Variants in CTDSPL observed in about 807,000 individuals in gnomAD.
The protein encoded by CTDSPL is CTD small phosphatase-like protein.
CTDSPL carries 8 observed loss-of-function variants against 30.5 expected under a neutral mutation model. That is an observed-to-expected ratio of 0.26 (90% confidence interval 0.15 to 0.47). The LOEUF (loss-of-function observed/expected upper bound fraction) is 0.47. Among genes scored for constraint, CTDSPL ranks in the 20% least tolerant of loss-of-function variants. The probability of loss-of-function intolerance (pLI) is 0.99; values close to 1 mark genes in which losing one functional copy is unlikely to be tolerated. For missense variants in CTDSPL, 248 were observed against 366.1 expected (o/e 0.68, Z 2.63); for synonymous variants, 110 against 137.9 (o/e 0.80, Z 1.42).
At position 37,891,293 on chromosome 3, in the gene CTDSPL, T is replaced by C. The variant is rs557785685; in HGVS notation, c.79+29015T>C. ...CAGATTAATCCATGTCTGGGCTCACTGTGTGTCTGGTTATAATTGGACCAC... is the reference window on the plus strand; with the variant it reads ...CAGATTAATCCATGTCTGGGCTCACCGTGTGTCTGGTTATAATTGGACCAC... On this transcript the variant is annotated intron_variant, in intron 1 of 7. Coordinates refer to ENST00000273179, the MANE Select transcript of CTDSPL (RefSeq NM_001008392.2). 2.0e-4 allele frequency among the ~76,000 whole-genome samples: 30 copies of C among 152,190 alleles called. 1 individual carries two copies. Among genetic ancestry groups the C allele is most frequent in the Non-Finnish European group, 2.9e-5 (2 of 68,026 alleles).
intron 6 of CTDSPL, among the ~76,000 whole-genome samples, chr3:37,972,961 A>G (rs1462210700): frequency 6.6e-6 from 1 of 152,114 alleles, no homozygotes; most frequent in African/African-American, 2.4e-5. Context: ...CCTGATGCCC[A>G]TACTCCCTTC....
chr3:37,873,193 C>T (rs983619921), intron 1 of CTDSPL, among the ~76,000 whole-genome samples: 11 of 152,136 alleles, frequency 7.2e-5, no homozygotes, highest in African/African-American at 1.7e-4. Context: ...CTCATTACAC[C>T]CTATGAGGGT....
intron 2 of CTDSPL, among the ~76,000 whole-genome samples, chr3:37,953,281 G>A (rs1347415000): frequency 6.6e-6 from 1 of 152,082 alleles, no homozygotes; most frequent in Admixed American, 6.5e-5. Context: ...ACGTGCCTAC[G>A]CCCCATCTCT....
intron 1 of CTDSPL, among the ~76,000 whole-genome samples, chr3:37,931,113 CT>C (rs1237315278): frequency 6.7e-6 from 1 of 149,516 alleles, no homozygotes; most frequent in Non-Finnish European, 1.5e-5. Flanking sequence ...TTGGGTCTTG[CT>C]TTTCTCCCCC....
chr3:37,956,512 T>C (rs990882306), intron 2 of CTDSPL, among the ~76,000 whole-genome samples: 5 of 152,234 alleles, frequency 3.3e-5, no homozygotes, highest in Non-Finnish European at 7.3e-5. Flanking sequence ...AGGCCTTTCC[T>C]TGGGGCCTAG....
intron 1 of CTDSPL, among the ~76,000 whole-genome samples, chr3:37,924,991 A>G (rs568979266): frequency 6.6e-6 from 1 of 152,270 alleles, no homozygotes; most frequent in African/African-American, 2.4e-5. Context: ...CTTTCAGGCT[A>G]GAGGCCCTTC....
intron 1 of CTDSPL, among the ~76,000 whole-genome samples, chr3:37,924,002 A>G (rs1048872153): frequency 6.6e-6 from 1 of 152,202 alleles, no homozygotes; most frequent in Non-Finnish European, 1.5e-5. Flanking sequence ...GCAAGCAGAA[A>G]CTCTTCTATT....
rs1335657397 is a variant in CTDSPL at position 37,982,589 on chromosome 3, A to G, written c.*1722A>G. On this transcript the variant is annotated 3_prime_UTR_variant, in exon 8 of 8. Coordinates refer to ENST00000273179, the MANE Select transcript of CTDSPL (RefSeq NM_001008392.2). ...AGTAATGAAGCCAGCTGCCAATTAC[A>G]TCCTCCCAACAGCACTTTGGTCTGT... 1 of 456,572 alleles carries G rather than the reference A, an allele frequency of 2.2e-6. No individual in the cohort carries two copies. The highest frequency in any genetic ancestry group is 4.4e-6 in the Non-Finnish European group (1 of 226,984). The allele number at this position is 456,572 out of a possible 1,614,324, so 28.3% of individuals were successfully genotyped here.
intron 2 of CTDSPL, among the ~76,000 whole-genome samples, chr3:37,948,765 G>A (rs1699071533): frequency 6.6e-6 from 1 of 150,430 alleles, no homozygotes; most frequent in African/African-American, 2.4e-5. Flanking sequence ...TTTAATAATG[G>A]AAGAAATGCA....
intron 1 of CTDSPL, among the ~76,000 whole-genome samples, chr3:37,906,999 T>C (rs1037053326): frequency 6.6e-6 from 1 of 152,216 alleles, no homozygotes; most frequent in Non-Finnish European, 1.5e-5. Flanking sequence ...GCTTTTATTG[T>C]GGTAGGGGTC....
At chr3:37,966,710 T>C (rs1699302623) in intron 4 of CTDSPL, among the ~76,000 whole-genome samples, 1 of 152,186 alleles carries the variant, frequency 6.6e-6, no homozygotes, top group Non-Finnish European at 1.5e-5. Flanking sequence ...CCATGTTTTT[T>C]TGTTTTGTTT....
At chr3:37,872,537 CTCTT>C (rs1484645537) in intron 1 of CTDSPL, among the ~76,000 whole-genome samples, 5 of 93,320 alleles carry the variant, frequency 5.4e-5, no homozygotes, top group African/African-American at 1.6e-4. Flanking sequence ...CCTACTTAGG[CTCTT>C]TTTTTTTTTT....
intron 1 of CTDSPL, among the ~76,000 whole-genome samples, chr3:37,882,980 G>A (rs569268269): frequency 5.3e-5 from 8 of 152,298 alleles, no homozygotes; most frequent in African/African-American, 1.7e-4. Context: ...GCCACAAATG[G>A]TTTAACATGT....
At chr3:37,948,367 AG>A (rs1699067136) in intron 2 of CTDSPL, among the ~76,000 whole-genome samples, 1 of 152,216 alleles carries the variant, frequency 6.6e-6, no homozygotes. Flanking sequence ...AAAGAAAACA[AG>A]GGTTACAATA....
chr3:37,923,416 C>A lies in CTDSPL; in HGVS notation c.80-23641C>A, dbSNP rs983006330. Among the ~76,000 whole-genome samples the A allele has an allele frequency of 2.0e-5, 3 of 152,184 alleles. No individual in the cohort carries two copies. In the East Asian group the frequency reaches 5.8e-4, roughly 29 times the overall value. On this transcript the variant is annotated intron_variant, in intron 1 of 7. Coordinates refer to ENST00000273179, the MANE Select transcript of CTDSPL (RefSeq NM_001008392.2). ...CAAATGCGTTCTTAAAATATCTGAT[C>A]TTGGCAGAGTGGAACTCTGTGTAGG... is the stretch of plus-strand genomic sequence containing the variant.
chr3:37,868,311 T>C lies in CTDSPL; in HGVS notation c.79+6033T>C, dbSNP rs147341792. ...TGAGAATTTTTATATATTATAGATA[T>C]TAGTCCTTTTTCAGATATGTGGTTT... is the stretch of plus-strand genomic sequence containing the variant. On this transcript the variant is annotated intron_variant, in intron 1 of 7. Transcript: ENST00000273179. Among the ~76,000 whole-genome samples, 21 of 152,256 alleles carry C rather than the reference T, an allele frequency of 1.4e-4. 1 individual carries two copies. The East Asian group carries it at 4.0e-3, about 29-fold the overall frequency.
At position 37,975,329 on chromosome 3, in the gene CTDSPL, G is replaced by C. The variant is rs1163152471; in HGVS notation, c.520-380G>C. 1.3e-5 allele frequency among the ~76,000 whole-genome samples: 2 copies of C among 152,206 alleles called. No individual in the cohort carries two copies. Among genetic ancestry groups the C allele is most frequent in the Admixed American group, 1.3e-4 (2 of 15,290 alleles). On this transcript the variant is annotated intron_variant, in intron 6 of 7. Transcript: ENST00000273179. The surrounding 1 kb of genome is among the most constrained non-coding windows in gnomAD (Gnocchi z 4.9). ...GACATGATGGCACATATGTTTTCCA[G>C]TGGCCACTCTGACAGCTTCTAGGTG... is the stretch of plus-strand genomic sequence containing the variant.
At chr3:37,968,626 C>G (rs768213421) in intron 5 of CTDSPL, among the ~76,000 whole-genome samples, 1 of 152,184 alleles carries the variant, frequency 6.6e-6, no homozygotes, top group Non-Finnish European at 1.5e-5. Flanking sequence ...TTAAAGGGAG[C>G]GTATCTGGCC....
At position 37,907,897 on chromosome 3, in the gene CTDSPL, G is replaced by A. The variant is rs567296048; in HGVS notation, c.80-39160G>A. On this transcript the variant is annotated intron_variant, in intron 1 of 7. Coordinates refer to ENST00000273179, the MANE Select transcript of CTDSPL (RefSeq NM_001008392.2). ...ATAAAAAAGCATGTATACATACAGC[G>A]CATTTGCCTAGATACGGCTAGTGGT... Among the ~76,000 whole-genome samples the A allele has an allele frequency of 2.0e-4, 30 of 152,316 alleles. No individual in the cohort carries two copies. The South Asian group carries it at 6.0e-3, about 31-fold the overall frequency.
Sources: gnomAD v4.1 joint callset for allele counts (sites outside exome capture counted in the v4.1 genomes callset) on GRCh38, gnomAD v4.1.1 for gene constraint, Gnocchi (gnomAD v3.1) non-coding constraint, MANE v1.5 for transcripts, NCBI Gene and HGNC (gene_info 2026-07-23, HGNC 2026-07-21) for gene names.